Variants in ADAMTS2 observed in about 807,000 individuals in gnomAD.
ADAMTS2 encodes ADAM metallopeptidase with thrombospondin type 1 motif 2.
In ADAMTS2, 50 loss-of-function variants were observed where a neutral mutation model predicts 123.0. The observed-to-expected ratio is 0.41, with a 90% CI of 0.32 to 0.51. The LOEUF (loss-of-function observed/expected upper bound fraction) is 0.51. Among genes scored for constraint, ADAMTS2 ranks in the 20% least tolerant of loss-of-function variants. The pLI is 0.35. For missense variants in ADAMTS2, 1,494 were observed against 1,705.2 expected (o/e 0.88, Z 2.18); for synonymous variants, 678 against 695.4 (o/e 0.98, Z 0.39).
At position 179,345,188 on chromosome 5, in the gene ADAMTS2, AC is replaced by A; in HGVS notation, c.139+1del. On this transcript the variant is annotated splice_donor_variant, in intron 1 of 21. Transcript: ENST00000251582. LOFTEE classifies it high-confidence loss of function. This position sits in a 1 kb window ranked among gnomAD's most constrained non-coding sequence, Gnocchi z 7.5. ...GGGGAGTAGGGGCCGGGCCGCACCT[AC>A]CTGGGGGGTCGGCGGCGGCGGCGAG... The A allele has an allele frequency of 9.0e-7, 1 of 1,107,080 alleles. No individual in the cohort carries two copies. The highest frequency in any genetic ancestry group is 1.1e-6 in the Non-Finnish European group (1 of 913,766). 68.6% of individuals were successfully genotyped at this position (1,107,080 alleles called of 1,614,324 possible). A position where few individuals can be genotyped will look rare whatever the true frequency, so the allele number is the denominator to read the frequency against.
At chr5:179,156,727 T>A (rs1763479369) in intron 6 of ADAMTS2, among the ~76,000 whole-genome samples, 1 of 152,176 alleles carries the variant, frequency 6.6e-6, no homozygotes, top group Non-Finnish European at 1.5e-5. Flanking sequence ...GTTCTCTAAT[T>A]TTTCATAGAA....
Position 179,188,349 on chromosome 5 carries a change from G to A in ADAMTS2, c.892-7194C>T, listed in dbSNP as rs561443124. On this transcript the variant is annotated intron_variant, in intron 4 of 21. Transcript: ENST00000251582. This position sits in a 1 kb window ranked among gnomAD's most constrained non-coding sequence, Gnocchi z 5.1. Reference sequence around the variant, plus strand: ...AAGGCTGTTCTCTCTGTGCCCCTTCGGAGGCCAGGCTTGGACCACCAGGAT... The same window carrying A: ...AAGGCTGTTCTCTCTGTGCCCCTTCAGAGGCCAGGCTTGGACCACCAGGAT... Among the ~76,000 whole-genome samples the A allele has an allele frequency of 2.6e-5, 4 of 152,236 alleles. No individual in the cohort carries two copies. Among genetic ancestry groups the A allele is most frequent in the Admixed American group, 6.5e-5 (1 of 15,312 alleles).
intron 3 of ADAMTS2, among the ~76,000 whole-genome samples, chr5:179,254,959 T>C (rs1299687647): frequency 2.0e-5 from 3 of 152,012 alleles, no homozygotes; most frequent in South Asian, 2.1e-4. Flanking sequence ...GATGGATGGA[T>C]TGGGTGGATG....
At chr5:179,268,680 T>A (rs1324671064) in intron 3 of ADAMTS2, among the ~76,000 whole-genome samples, 1 of 152,080 alleles carries the variant, frequency 6.6e-6, no homozygotes, top group African/African-American at 2.4e-5. Context: ...CACTTAGACA[T>A]GCAGGGAAGA....
chr5:179,288,338 C>T (rs1056207763), intron 2 of ADAMTS2, among the ~76,000 whole-genome samples: 16 of 152,328 alleles, frequency 1.1e-4, no homozygotes, highest in African/African-American at 3.1e-4. Flanking sequence ...CTGCCAGGCC[C>T]GAGGCTGTCT....
intron 4 of ADAMTS2, among the ~76,000 whole-genome samples, chr5:179,195,177 C>CGGAGGCCA (rs1764397309): frequency 6.6e-6 from 1 of 152,208 alleles, no homozygotes; most frequent in Non-Finnish European, 1.5e-5. Context: ...TGCAGGGATG[C>CGGAGGCCA]GGAGGCCAGG....
intron 3 of ADAMTS2, among the ~76,000 whole-genome samples, chr5:179,261,340 G>A (rs977125214): frequency 1.1e-4 from 16 of 152,182 alleles, no homozygotes; most frequent in Non-Finnish European, 1.8e-4. Context: ...TAAAGCCCCC[G>A]TGCTGGTGAG....
intron 2 of ADAMTS2, chr5:179,341,330 T>C: frequency 2.7e-6 from 1 of 373,256 alleles, no homozygotes; most frequent in Non-Finnish European, 5.3e-6. Context: ...GAGACCAGCC[T>C]GATCAAAAGG....
intron 3 of ADAMTS2, among the ~76,000 whole-genome samples, chr5:179,258,432 C>G (rs1252021409): frequency 6.6e-6 from 1 of 152,150 alleles, no homozygotes; most frequent in Non-Finnish European, 1.5e-5. Flanking sequence ...CATCTCAGCC[C>G]TTTGTTCTCC....
chr5:179,277,361 GACA>G, intron 2 of ADAMTS2, among the ~76,000 whole-genome samples: 2 of 10,146 alleles, frequency 2.0e-4, no homozygotes, highest in Admixed American at 1.3e-3. Flanking sequence ...ACCAAAGGCT[GACA>G]CCCCCCGAGA....
chr5:179,337,826 G>C (rs1757657979), intron 2 of ADAMTS2, among the ~76,000 whole-genome samples: 1 of 149,856 alleles, frequency 6.7e-6, no homozygotes, highest in African/African-American at 2.5e-5. Flanking sequence ...CAGCAGGCCT[G>C]GGTGAGGACC....
chr5:179,232,581 C>G (rs796404538), intron 3 of ADAMTS2, among the ~76,000 whole-genome samples: 4 of 152,302 alleles, frequency 2.6e-5, no homozygotes, highest in African/African-American at 7.2e-5. Context: ...TCTGACATGT[C>G]AAGCAAATCA....
At chr5:179,219,069 C>T (rs1380406800) in intron 3 of ADAMTS2, among the ~76,000 whole-genome samples, 2 of 152,210 alleles carry the variant, frequency 1.3e-5, no homozygotes, top group African/African-American at 4.8e-5. Context: ...GCCAATCCCA[C>T]TGCACCCCAG....
At chr5:179,293,004 G>A (rs1195668937) in intron 2 of ADAMTS2, among the ~76,000 whole-genome samples, 2 of 152,186 alleles carry the variant, frequency 1.3e-5, no homozygotes, top group African/African-American at 4.8e-5. Context: ...CCCTGGGCTT[G>A]GGACATCCTC....
intron 2 of ADAMTS2, among the ~76,000 whole-genome samples, chr5:179,293,262 C>A (rs1165068066): frequency 6.6e-6 from 1 of 152,250 alleles, no homozygotes; most frequent in Non-Finnish European, 1.5e-5. Context: ...AAAGAGGCAG[C>A]GGCCTGTGCC....
In ADAMTS2 at chr5:179,158,640, G is replaced by A; in HGVS notation, c.1132+83C>T. On this transcript the variant is annotated intron_variant, in intron 6 of 21. Coordinates refer to ENST00000251582, the MANE Select transcript of ADAMTS2 (RefSeq NM_014244.5). This position sits in a 1 kb window ranked among gnomAD's most constrained non-coding sequence, Gnocchi z 5.0. ...GCCCTGACACTCTTCCCTGGGCTGG[G>A]CCAAGGCTCCCGGGGCCCCTTGCAT... The A allele has an allele frequency of 6.3e-7, 1 of 1,594,542 alleles. No individual in the cohort carries two copies.
chr5:179,143,448 GAAGAACT>G (rs1409326327), intron 10 of ADAMTS2, among the ~76,000 whole-genome samples: 48 of 141,830 alleles, frequency 3.4e-4, no homozygotes, highest in Non-Finnish European at 5.7e-4. Flanking sequence ...AAAAAAAAAA[GAAGAACT>G]AAATAGAAAT....
At chr5:179,184,761 A>T (rs1015235581) in intron 4 of ADAMTS2, among the ~76,000 whole-genome samples, 1 of 151,992 alleles carries the variant, frequency 6.6e-6, no homozygotes, top group Non-Finnish European at 1.5e-5. Context: ...TGAGGCTGGC[A>T]CCCAGCAGAC....
chr5:179,274,944 CAA>C lies in ADAMTS2; in HGVS notation c.535-1882_535-1881del, dbSNP rs373882510. Among the ~76,000 whole-genome samples the C allele has an allele frequency of 2.4e-3, 359 of 152,294 alleles. 1 individual carries two copies. The highest frequency in any genetic ancestry group is 9.1e-3 in the South Asian group (44 of 4,812). On this transcript the variant is annotated intron_variant, in intron 2 of 21. Transcript: ENST00000251582. Reference sequence around the variant, plus strand: ...ACCCAATCCCTTTGTGCTGGCCAGGCAAAGAGTCAGAGAGAGGACCAGTGCTC... The same window carrying C: ...ACCCAATCCCTTTGTGCTGGCCAGGCAGAGTCAGAGAGAGGACCAGTGCTC...
Sources: allele counts gnomAD v4.1 joint callset (sites outside exome capture counted in the v4.1 genomes callset), GRCh38; gene constraint gnomAD v4.1.1; non-coding constraint Gnocchi (gnomAD v3.1); transcripts MANE v1.5; gene names NCBI Gene and HGNC (gene_info 2026-07-23, HGNC 2026-07-21).